The following ZNF385C variants were observed in gnomAD, a reference collection of about 807,000 sequenced individuals.
The protein encoded by ZNF385C is CTD-2132N18.2.
In ZNF385C, 28 loss-of-function variants were observed where a neutral mutation model predicts 35.4. That is an observed-to-expected ratio of 0.79 (90% CI 0.59 to 1.08). The LOEUF is 1.08. ZNF385C is among the 50% of genes least tolerant of loss of function. The probability of loss-of-function intolerance (pLI) is 0.00; values close to 1 mark genes in which losing one functional copy is unlikely to be tolerated. For synonymous variants in ZNF385C, 248 were observed against 248.2 expected, an observed-to-expected ratio of 1.00 and a Z score of 0.01; for missense variants, 605 against 595.6, an observed-to-expected ratio of 1.02 and a Z score of -0.16.
At chr17:42,072,569 G>T (rs1376061556) in intron 1 of ZNF385C, among the ~76,000 whole-genome samples, 1 of 152,006 alleles carries the variant, frequency 6.6e-6, no homozygotes, top group Non-Finnish European at 1.5e-5. Flanking sequence ...TACCTGGAGA[G>T]CGCTCCGGAC....
intron 1 of ZNF385C, among the ~76,000 whole-genome samples, chr17:42,073,771 A>G (rs534125447): frequency 6.6e-6 from 1 of 152,372 alleles, no homozygotes; most frequent in Admixed American, 6.5e-5. Context: ...AGAGCAAGAA[A>G]GAGCCAAGGA....
intron 1 of ZNF385C, among the ~76,000 whole-genome samples, chr17:42,079,806 T>C (rs782028363): frequency 2.1e-4 from 32 of 151,990 alleles, no homozygotes; most frequent in Non-Finnish European, 3.5e-4. Context: ...CAGCCTTGCG[T>C]TGGAAACTAA....
chr17:42,093,302 C>A (rs1304214936), intron 1 of ZNF385C, among the ~76,000 whole-genome samples: 2 of 152,188 alleles, frequency 1.3e-5, no homozygotes, highest in South Asian at 4.1e-4. Flanking sequence ...TCAATTCAGC[C>A]CCACTCTGGT....
At chr17:42,074,756 A>G (rs529072288) in intron 1 of ZNF385C, among the ~76,000 whole-genome samples, 2 of 152,342 alleles carry the variant, frequency 1.3e-5, no homozygotes, top group East Asian at 3.9e-4. Flanking sequence ...GTACCTCACT[A>G]TCCCACAGCA....
chr17:42,058,973 C>G (rs2053421175), intron 2 of ZNF385C, among the ~76,000 whole-genome samples: 1 of 152,178 alleles, frequency 6.6e-6, no homozygotes, highest in African/African-American at 2.4e-5. Flanking sequence ...CTGGCATCTT[C>G]TTGCTGGGGG....
chr17:42,061,245 G>A (rs578001291), intron 2 of ZNF385C: 2 of 113,798 alleles, frequency 1.8e-5, no homozygotes, highest in African/African-American at 4.0e-5. Flanking sequence ...TTTTGAGACA[G>A]GGTCTCACTC....
At chr17:42,074,833 CGGAGAA>C (rs1555659125) in intron 1 of ZNF385C, among the ~76,000 whole-genome samples, 1 of 152,226 alleles carries the variant, frequency 6.6e-6, no homozygotes, top group African/African-American at 2.4e-5. Context: ...TGGCTGTCCA[CGGAGAA>C]TTGCAGTTGT....
chr17:42,089,868 A>G (rs555776752), intron 1 of ZNF385C, among the ~76,000 whole-genome samples: 1 of 152,356 alleles, frequency 6.6e-6, no homozygotes, highest in Non-Finnish European at 1.5e-5. Context: ...CAGGGGAAAA[A>G]CAAAAATCTG....
At position 42,088,221 on chromosome 17, in the gene ZNF385C, T is replaced by G. The variant is rs142138939; in HGVS notation, c.-3+10189A>C. Among the ~76,000 whole-genome samples the G allele has an allele frequency of 9.3e-4, 141 of 152,280 alleles. 1 individual carries two copies. The highest frequency in any genetic ancestry group is 3.3e-3 in the African/African-American group (138 of 41,546). ...TGGGTCTGGGAGGTTGGGACTGAGA[T>G]TTCCACTTTACAGATGAGGAGACTG... On this transcript the variant is annotated intron_variant, in intron 1 of 8. Transcript: ENST00000692273.
chr17:42,034,475 G>T, intron 3 of ZNF385C, 140 bp from the exon 4 acceptor site: 3 of 631,708 alleles, frequency 4.7e-6, no homozygotes, highest in Non-Finnish European at 8.2e-6. Context: ...CCATCCTGTG[G>T]ATGTTGGAAA....
rs531631189 is a variant in ZNF385C at position 42,030,536 on chromosome 17, C to CA, written c.676+1082dup. ...AAAAACCCACAAAACAAAACAGATACAAAAAAACCCCTGCACACTCTATGT... is the reference window on the plus strand; with the variant it reads ...AAAAACCCACAAAACAAAACAGATACAAAAAAAACCCCTGCACACTCTATGT... On this transcript the variant is annotated intron_variant, in intron 5 of 8. Coordinates refer to ENST00000692273, the MANE Select transcript of ZNF385C (RefSeq NM_001392013.1). Among the ~76,000 whole-genome samples the CA allele has an allele frequency of 6.6e-5, 10 of 151,884 alleles. 1 individual carries two copies. The East Asian group carries it at 1.9e-3, about 29-fold the overall frequency.
At chr17:42,061,316 G>A (rs560112489) in intron 2 of ZNF385C, 4 of 139,318 alleles carry the variant, frequency 2.9e-5, no homozygotes, top group Admixed American at 8.3e-5. Context: ...CACCTCCTGG[G>A]TTCAAGTGAT....
chr17:42,093,194 T>C (rs146855269), intron 1 of ZNF385C, among the ~76,000 whole-genome samples: 23 of 151,998 alleles, frequency 1.5e-4, no homozygotes, highest in African/African-American at 5.1e-4. Context: ...GCAGAAATAT[T>C]TGGAACAGGG....
chr17:42,039,351 T>A, intron 2 of ZNF385C: 1 of 232,156 alleles, frequency 4.3e-6, no homozygotes, highest in Non-Finnish European at 8.3e-6. Flanking sequence ...CTAGTCTTCC[T>A]TCCCCAAGCC....
chr17:42,042,640 G>A (rs1555656245), intron 2 of ZNF385C, among the ~76,000 whole-genome samples: 5 of 152,184 alleles, frequency 3.3e-5, no homozygotes. Context: ...GCCTGGTCTG[G>A]CCTCTTCACT....
rs571757805 is a variant in ZNF385C, at chr17:42,086,077, TAAC to T, written c.-3+12330_-3+12332del. Among the ~76,000 whole-genome samples the T allele has an allele frequency of 2.4e-4, 37 of 151,714 alleles. 1 individual carries two copies. In the Middle Eastern group the frequency reaches 0.01, roughly 42 times the overall value. ...AGCAAGATCTTGTCTCGAAAAATAATAACAATACATTTAAATTTAAATTTAAAA... is the reference window on the plus strand; with the variant it reads ...AGCAAGATCTTGTCTCGAAAAATAATAATACATTTAAATTTAAATTTAAAA... On this transcript the variant is annotated intron_variant, in intron 1 of 8. Transcript: ENST00000692273.
chr17:42,028,209 C>T lies in ZNF385C; in HGVS notation c.1005G>A (p.Gly335=), dbSNP rs1555654551. The change falls in exon 7 of 9, where the codon GGG becomes GGA. Residue 335 remains glycine (G), a synonymous_variant. Transcript: ENST00000692273. Reference sequence around the variant, plus strand: ...GGCGGCCCCGGCTCCTCCGGGGAGCCCCTCGCTGACCTTCCATCATCCACC... The same window carrying T: ...GGCGGCCCCGGCTCCTCCGGGGAGCTCCTCGCTGACCTTCCATCATCCACC... ...KHRWMMEGQR[G]APRRSRGRPV... is the part of the protein sequence containing the mutation. The T allele has an allele frequency of 5.1e-6, 8 of 1,555,050 alleles. No individual in the cohort carries two copies. The highest frequency in any genetic ancestry group is 1.4e-5 in the African/African-American group (1 of 72,674).
chr17:42,075,002 G>A (rs2053669138), intron 1 of ZNF385C, among the ~76,000 whole-genome samples: 1 of 152,162 alleles, frequency 6.6e-6, no homozygotes, highest in Non-Finnish European at 1.5e-5. Flanking sequence ...ATTAAAATGG[G>A]GGGTTGGAAC....
At chr17:42,066,869 C>G (rs1372405233) in intron 1 of ZNF385C, among the ~76,000 whole-genome samples, 1 of 151,958 alleles carries the variant, frequency 6.6e-6, no homozygotes, top group African/African-American at 2.4e-5. Flanking sequence ...GAGTTCAAGA[C>G]CAGCCTGGCC....
Sources: allele counts gnomAD v4.1 joint callset (sites outside exome capture counted in the v4.1 genomes callset), GRCh38; gene constraint gnomAD v4.1.1; transcripts MANE v1.5; gene names NCBI Gene and HGNC (gene_info 2026-07-23, HGNC 2026-07-21).